SEL1L2: variants seen among roughly 807,000 people sequenced by gnomAD.
SEL1L2 encodes the protein SEL1L2 adaptor subunit of SYVN1 ubiquitin ligase.
In SEL1L2, 89 loss-of-function variants were observed where a neutral mutation model predicts 98.8. The observed-to-expected ratio is 0.90, with a 90% CI of 0.76 to 1.07. The LOEUF is 1.07. Among genes scored for constraint, SEL1L2 ranks in the 50% least tolerant of loss-of-function variants. The pLI is 0.00. For missense variants in SEL1L2, 788 were observed against 812.0 expected, an observed-to-expected ratio of 0.97 and a Z score of 0.36; for synonymous variants, 262 against 278.5, an observed-to-expected ratio of 0.94 and a Z score of 0.59.
intron 1 of SEL1L2, among the ~76,000 whole-genome samples, chr20:13,959,364 C>G (rs1028098575): frequency 1.3e-5 from 2 of 152,128 alleles, no homozygotes; most frequent in Non-Finnish European, 1.5e-5. Flanking sequence ...GTTTGGTGGT[C>G]TGCTGCCGGT....
intron 5 of SEL1L2, among the ~76,000 whole-genome samples, chr20:13,897,483 A>G (rs1330009354): frequency 6.6e-6 from 1 of 152,214 alleles, no homozygotes; most frequent in African/African-American, 2.4e-5. Context: ...AGTGGAGAAA[A>G]TATTTGCAAA....
chr20:13,990,357 T>C lies in SEL1L2; in HGVS notation c.58+120A>G, dbSNP rs535750240. 3.4e-4 allele frequency: 237 copies of C among 696,948 alleles called. 8 individuals carry two copies. The South Asian group carries it at 3.8e-3, about 11-fold the overall frequency. 43.2% of individuals were successfully genotyped at this position (696,948 alleles called of 1,614,324 possible). On this transcript the variant is annotated intron_variant, in intron 1 of 19. Transcript: ENST00000284951. Reference sequence around the variant, plus strand: ...ACATTTTAAAGTACCTGTACAAAAATGGCATTAGTTAGGGATATAGTAAAG... The same window carrying C: ...ACATTTTAAAGTACCTGTACAAAAACGGCATTAGTTAGGGATATAGTAAAG...
chr20:13,874,623 T>A (rs2046354257), intron 12 of SEL1L2, among the ~76,000 whole-genome samples: 1 of 152,208 alleles, frequency 6.6e-6, no homozygotes. Context: ...TTCCTTGTCA[T>A]CCTAATCTAA....
chr20:13,985,386 T>C (rs1049530708), intron 1 of SEL1L2, among the ~76,000 whole-genome samples: 2 of 152,218 alleles, frequency 1.3e-5, no homozygotes, highest in Non-Finnish European at 2.9e-5. Context: ...TGAAATGTTC[T>C]TGTTCTCCCT....
chr20:13,984,113 G>A (rs560678489), intron 1 of SEL1L2, among the ~76,000 whole-genome samples: 1 of 151,122 alleles, frequency 6.6e-6, no homozygotes, highest in South Asian at 2.1e-4. Context: ...CTGGGTTCAT[G>A]TGATTCTCCT....
rs143763442 is a variant in SEL1L2, at chr20:13,956,146, AT to A, written c.59-16del. ...TGCTTTGATAGCTGCAATACACAAA[AT>A]TTTTTTATAAAATTTAAAAGCATTT... On this transcript the variant is annotated splice_polypyrimidine_tract_variant and intron_variant, in intron 1 of 19. Transcript: ENST00000284951. 9 of 1,393,034 alleles carry A rather than the reference AT, an allele frequency of 6.5e-6. No homozygotes were observed. Among genetic ancestry groups the A allele is most frequent in the South Asian group, 2.7e-5 (2 of 74,076 alleles). The allele number at this position is 1,393,034 out of a possible 1,614,324, so 86.3% of individuals were successfully genotyped here. A position where few individuals can be genotyped will look rare whatever the true frequency, so the allele number is the denominator to read the frequency against.
At chr20:13,908,818 T>C (rs956829793) in intron 5 of SEL1L2, among the ~76,000 whole-genome samples, 2 of 152,208 alleles carry the variant, frequency 1.3e-5, no homozygotes, top group African/African-American at 4.8e-5. Flanking sequence ...ATTTGAATTT[T>C]TGCAAGGTAA....
chr20:13,903,291 AGAT>A (rs2047766893), intron 5 of SEL1L2, among the ~76,000 whole-genome samples: 1 of 152,196 alleles, frequency 6.6e-6, no homozygotes, highest in Admixed American at 6.5e-5. Flanking sequence ...GTGCTATGGT[AGAT>A]GATGATTTAG....
At chr20:13,868,409 G>A (rs770631905) in intron 14 of SEL1L2, among the ~76,000 whole-genome samples, 1 of 151,692 alleles carries the variant, frequency 6.6e-6, no homozygotes, top group Non-Finnish European at 1.5e-5. Context: ...ACTCCCTCTG[G>A]GTCCTAGTCC....
chr20:13,891,663 C>CAAAAAAAA (rs61545047), intron 5 of SEL1L2, among the ~76,000 whole-genome samples: 4 of 74,240 alleles, frequency 5.4e-5, no homozygotes, highest in Non-Finnish European at 7.2e-5. Context: ...AAGACTCCAT[C>CAAAAAAAA]AAAAAAAAAA....
At chr20:13,954,220 T>C (rs2050408957) in intron 2 of SEL1L2, among the ~76,000 whole-genome samples, 1 of 152,062 alleles carries the variant, frequency 6.6e-6, no homozygotes, top group Admixed American at 6.5e-5. Context: ...TGGTAATTAT[T>C]ATGGAAGATA....
At chr20:13,989,774 A>G (rs2052449092) in intron 1 of SEL1L2, among the ~76,000 whole-genome samples, 1 of 152,108 alleles carries the variant, frequency 6.6e-6, no homozygotes, top group Admixed American at 6.5e-5. Flanking sequence ...TGGGTGGTAA[A>G]CCAATCTTAC....
intron 5 of SEL1L2, among the ~76,000 whole-genome samples, chr20:13,899,106 G>A (rs571570119): frequency 1.3e-5 from 2 of 152,200 alleles, no homozygotes; most frequent in East Asian, 1.9e-4. Flanking sequence ...CTAACCCATT[G>A]TTTTTTAAAT....
intron 1 of SEL1L2, among the ~76,000 whole-genome samples, chr20:13,978,172 C>A (rs1368241059): frequency 6.6e-6 from 1 of 152,078 alleles, no homozygotes; most frequent in Admixed American, 6.5e-5. Context: ...ACCAACGGAA[C>A]AGGATAGAGA....
rs964834319 is a variant in SEL1L2 at position 13,970,059 on chromosome 20, C to A, written c.59-13928G>T. On this transcript the variant is annotated intron_variant, in intron 1 of 19. Coordinates refer to ENST00000284951, the MANE Select transcript of SEL1L2 (RefSeq NM_025229.2). ...TTTTTTTTAAAGTTTGCCTCTAGCA[C>A]CCTGCACAGTTTCTTAATTAAAAAT... is the stretch of plus-strand genomic sequence containing the variant. Among the ~76,000 whole-genome samples the A allele has an allele frequency of 2.6e-5, 4 of 151,252 alleles. No homozygotes were observed. The East Asian group carries it at 5.8e-4, about 22-fold the overall frequency.
At chr20:13,954,164 G>C (rs1009987308) in intron 2 of SEL1L2, among the ~76,000 whole-genome samples, 1 of 152,106 alleles carries the variant, frequency 6.6e-6, no homozygotes, top group African/African-American at 2.4e-5. Context: ...ACTATGGAAA[G>C]AGCAGCTCCA....
Position 13,983,616 on chromosome 20 carries a change from A to T in SEL1L2, c.58+6861T>A, listed in dbSNP as rs1359337566. On this transcript the variant is annotated intron_variant, in intron 1 of 19. Transcript: ENST00000284951. ...ACTCACTGCAACCCTCTGCCTCCCA[A>T]GTTCAAGCGATTCTCCCGCCTCAGC... is the stretch of plus-strand genomic sequence containing the variant. Among the ~76,000 whole-genome samples, 3 of 151,740 alleles carry T rather than the reference A, an allele frequency of 2.0e-5. No homozygotes were observed. The South Asian group carries it at 6.3e-4, about 32-fold the overall frequency.
chr20:13,991,773 A>T (rs756635935), upstream of SEL1L2, among the ~76,000 whole-genome samples: 1 of 152,148 alleles, frequency 6.6e-6, no homozygotes, highest in Admixed American at 6.5e-5. Flanking sequence ...CAGTTGGATT[A>T]CTTGAGGCCA....
intron 8 of SEL1L2, among the ~76,000 whole-genome samples, chr20:13,886,781 G>A (rs2046975688): frequency 6.6e-6 from 1 of 151,900 alleles, no homozygotes; most frequent in South Asian, 2.1e-4. Flanking sequence ...CCAGATACCT[G>A]GGAAGCTGAG....
Sources: gnomAD v4.1 joint callset for allele counts (sites outside exome capture counted in the v4.1 genomes callset) on GRCh38, gnomAD v4.1.1 for gene constraint, MANE v1.5 for transcripts, NCBI Gene and HGNC (gene_info 2026-07-23, HGNC 2026-07-21) for gene names.